The following CSMD3 variants were observed in gnomAD, a reference collection of about 807,000 sequenced individuals.
CSMD3 encodes the protein CUB and sushi domain-containing protein 3.
A neutral mutation model predicts 435.2 loss-of-function variants in CSMD3; 177 were observed. That is an observed-to-expected ratio of 0.41 (90% CI 0.36 to 0.46). The LOEUF (loss-of-function observed/expected upper bound fraction) is 0.46. CSMD3 is among the 20% of genes least tolerant of loss of function. CSMD3 has a pLI of 0.34. For missense variants in CSMD3, 4,265 were observed against 4,504.6 expected, an observed-to-expected ratio of 0.95 and a Z score of 1.52; for synonymous variants, 1,656 against 1,520.5, an observed-to-expected ratio of 1.09 and a Z score of -2.07.
chr8:112,802,506 ATTAT>A (rs2078982857), intron 12 of CSMD3, among the ~76,000 whole-genome samples: 1 of 152,022 alleles, frequency 6.6e-6, no homozygotes, highest in Non-Finnish European at 1.5e-5. Flanking sequence ...CTAGCTATAT[ATTAT>A]TTCTCTTTTT....
chr8:112,327,095 G>T (rs1823588137), intron 45 of CSMD3, among the ~76,000 whole-genome samples: 1 of 152,086 alleles, frequency 6.6e-6, no homozygotes, highest in South Asian at 2.1e-4. Context: ...TTATACTGTA[G>T]TATAAAATCC....
intron 1 of CSMD3, among the ~76,000 whole-genome samples, chr8:113,406,743 C>G (rs956207988): frequency 6.6e-6 from 1 of 151,912 alleles, no homozygotes; most frequent in African/African-American, 2.4e-5. Flanking sequence ...ATTTAAACAA[C>G]AAATTTATTA....
chr8:113,016,683 T>A (rs1056679776), intron 6 of CSMD3, among the ~76,000 whole-genome samples: 4 of 151,898 alleles, frequency 2.6e-5, no homozygotes, highest in African/African-American at 9.7e-5. Context: ...TAGTTTTGAC[T>A]TTTGTATAAT....
chr8:113,230,204 T>C (rs893757335), intron 3 of CSMD3, among the ~76,000 whole-genome samples: 1 of 151,702 alleles, frequency 6.6e-6, no homozygotes, highest in African/African-American at 2.4e-5. Flanking sequence ...AATTGCCAGA[T>C]GTTTTAAAAT....
At chr8:112,335,206 G>T in intron 45 of CSMD3, 123 bp downstream of exon 45, 2 of 937,824 alleles carry the variant, frequency 2.1e-6, no homozygotes, top group South Asian at 1.4e-5. Flanking sequence ...AAGTTACTGT[G>T]ATTATAAAAT....
rs1259816897 is a variant in CSMD3, at chr8:112,234,475, C to T, written c.10630G>A (p.Val3544Ile). ...AGGCGAGCTTCCTGGCTTTTATATACCCCTGTAAAATGCAAGGACATTTTA... is the reference window on the plus strand; with the variant it reads ...AGGCGAGCTTCCTGGCTTTTATATATCCCTGTAAAATGCAAGGACATTTTA... The part of the protein sequence containing the change: ...NSNMELLLSG[V>I]YKSQEARLML... Residue 3544 changes from valine (V) to isoleucine (I), a missense_variant and splice_region_variant, in exon 68 of 71, where the codon GTA becomes ATA. Coordinates refer to ENST00000297405, the MANE Select transcript of CSMD3 (RefSeq NM_198123.2). The T allele has an allele frequency of 1.9e-6, 3 of 1,574,440 alleles. No individual in the cohort carries two copies. The highest frequency in any genetic ancestry group is 1.7e-6 in the Non-Finnish European group (2 of 1,144,436).
chr8:113,222,035 A>C (rs752009799), intron 3 of CSMD3, among the ~76,000 whole-genome samples: 55,400 of 150,884 alleles, frequency 0.37, 11,003 homozygotes, highest in African/African-American at 0.52. Context: ...GGTTAAGTAA[A>C]TGCATGAAGG....
At chr8:113,358,736 GA>G in intron 1 of CSMD3, among the ~76,000 whole-genome samples, 2 of 151,378 alleles carry the variant, frequency 1.3e-5, no homozygotes, top group Middle Eastern at 6.8e-3. Context: ...TAGCAAAATA[GA>G]AAAAAAGCAT....
intron 13 of CSMD3, among the ~76,000 whole-genome samples, chr8:112,798,615 A>T (rs1234502880): frequency 6.6e-6 from 1 of 151,914 alleles, no homozygotes; most frequent in East Asian, 1.9e-4. Flanking sequence ...GTGCTGCTCT[A>T]CAATGTACTT....
chr8:113,247,085 C>T (rs1175378104), intron 3 of CSMD3, among the ~76,000 whole-genome samples: 1 of 152,204 alleles, frequency 6.6e-6, no homozygotes, highest in Non-Finnish European at 1.5e-5. Flanking sequence ...AGGATTATGT[C>T]AAAGGCTTTC....
intron 23 of CSMD3, among the ~76,000 whole-genome samples, chr8:112,575,297 A>C (rs1829852762): frequency 1.3e-5 from 2 of 152,014 alleles, no homozygotes; most frequent in Non-Finnish European, 2.9e-5. Context: ...TAATTGATGG[A>C]ATCTATAGAC....
intron 7 of CSMD3, 63 bp from the exon 8 acceptor site, chr8:112,954,824 T>C (rs2083953497): frequency 9.6e-7 from 1 of 1,044,232 alleles, no homozygotes; most frequent in Non-Finnish European, 1.5e-6. Flanking sequence ...AAATTCAAGT[T>C]AACAAATTTT....
intron 13 of CSMD3, among the ~76,000 whole-genome samples, chr8:112,705,028 T>C (rs1373285998): frequency 6.6e-6 from 1 of 152,130 alleles, no homozygotes; most frequent in Non-Finnish European, 1.5e-5. Flanking sequence ...AACTTTAATG[T>C]ATGATCAATT....
intron 61 of CSMD3, among the ~76,000 whole-genome samples, chr8:112,261,591 C>T (rs117880283): frequency 1.3e-5 from 2 of 151,966 alleles, no homozygotes; most frequent in South Asian, 2.1e-4. Flanking sequence ...TATTATTTTA[C>T]TGCTAAAAAG....
intron 31 of CSMD3, among the ~76,000 whole-genome samples, chr8:112,480,076 C>T (rs943952879): frequency 8.5e-5 from 13 of 152,220 alleles, no homozygotes; most frequent in Non-Finnish European, 1.9e-4. Flanking sequence ...CCTTGGGAGT[C>T]CACCCCTCAC....
chr8:113,113,047 C>T (rs2090711217), intron 4 of CSMD3, among the ~76,000 whole-genome samples: 1 of 152,110 alleles, frequency 6.6e-6, no homozygotes, highest in Non-Finnish European at 1.5e-5. Flanking sequence ...TTAACTTTGC[C>T]TTATTTTTTG....
At chr8:113,319,289 T>G (rs906189581) in intron 1 of CSMD3, among the ~76,000 whole-genome samples, 20 of 152,172 alleles carry the variant, frequency 1.3e-4, no homozygotes, top group African/African-American at 4.8e-4. Flanking sequence ...TGGTTTAAAT[T>G]TGCATTTCTT....
intron 27 of CSMD3, among the ~76,000 whole-genome samples, chr8:112,539,885 A>G (rs1826496165): frequency 1.3e-5 from 2 of 152,214 alleles, no homozygotes; most frequent in Admixed American, 6.6e-5. Context: ...CAACACAAGC[A>G]AAACTAAACG....
chr8:112,257,493 A>G (rs1476461185), intron 61 of CSMD3, among the ~76,000 whole-genome samples: 1 of 152,212 alleles, frequency 6.6e-6, no homozygotes, highest in Non-Finnish European at 1.5e-5. Context: ...AATGATAGAC[A>G]AACAGAGAGT....
Sources: allele counts gnomAD v4.1 joint callset (sites outside exome capture counted in the v4.1 genomes callset), GRCh38; gene constraint gnomAD v4.1.1; transcripts MANE v1.5; gene names NCBI Gene and HGNC (gene_info 2026-07-23, HGNC 2026-07-21).